Variants in GLI3 observed in about 807,000 individuals in gnomAD.
GLI3 encodes transcription activator GLI3.
In GLI3, 20 loss-of-function variants were observed where a neutral mutation model predicts 100.8. The ratio of observed to expected loss-of-function variants is 0.20; its 90% CI spans 0.14 to 0.29. The LOEUF is 0.29. Ranked by LOEUF, GLI3 falls within the 10% of genes least tolerant of loss-of-function variation. The pLI is 1.00. For synonymous variants in GLI3, 938 were observed against 860.5 expected (o/e 1.09, Z -1.58); for missense variants, 2,040 against 2,128.5 (o/e 0.96, Z 0.82).
At chr7:42,121,087 A>G (rs527910600) in intron 3 of GLI3, among the ~76,000 whole-genome samples, 2 of 152,336 alleles carry the variant, frequency 1.3e-5, no homozygotes, top group Admixed American at 1.3e-4. Flanking sequence ...ACAAAAGGTC[A>G]GAAGAAACCA....
chr7:42,160,876 A>C (rs1425868921), intron 2 of GLI3, among the ~76,000 whole-genome samples: 1 of 152,204 alleles, frequency 6.6e-6, no homozygotes, highest in Non-Finnish European at 1.5e-5. Flanking sequence ...TACAACCAGA[A>C]AAAAAGCTCC....
At chr7:42,113,390 A>G in intron 3 of GLI3, 1 of 695,734 alleles carries the variant, frequency 1.4e-6, no homozygotes, top group Non-Finnish European at 2.7e-6. Context: ...GCTGAGGGGG[A>G]TGCTGAAGGA....
intron 10 of GLI3, among the ~76,000 whole-genome samples, chr7:42,019,965 C>T (rs1788889729): frequency 6.6e-6 from 1 of 151,994 alleles, no homozygotes; most frequent in Admixed American, 6.6e-5. Context: ...TTAATACTAG[C>T]TTGAGAGTAA....
intron 2 of GLI3, among the ~76,000 whole-genome samples, chr7:42,216,443 C>T (rs1396314000): frequency 6.6e-6 from 1 of 152,134 alleles, no homozygotes; most frequent in African/African-American, 2.4e-5. Flanking sequence ...TTTGTCAAAA[C>T]CCATACAACT....
chr7:42,116,260 G>A (rs887195255), intron 3 of GLI3, among the ~76,000 whole-genome samples: 4 of 152,040 alleles, frequency 2.6e-5, no homozygotes, highest in African/African-American at 4.8e-5. Flanking sequence ...AAACCTCTGC[G>A]TTTTGAACAG....
Position 41,977,715 on chromosome 7 carries a change from C to G in GLI3, c.1655G>C (p.Gly552Ala), listed in dbSNP as rs144663011. Reference protein sequence around the residue: ...GEKPHKCTFEGCTKAYSRLEN... With the variant: ...GEKPHKCTFEACTKAYSRLEN... ...TAGTCTCGAGTAGGCCTTTGTGCAA[C>G]CTTCAAACTGAGGACAACAGGTAAA... Residue 552 changes from glycine to alanine, a missense_variant, in exon 12 of 15, where the codon GGT becomes GCT. Gly to Ala is a moderately conservative substitution (Grantham distance 60, BLOSUM62 0). This residue lies in a region of GLI3 where 61 missense variants were observed against 150.9 expected (regional missense o/e 0.40). Transcript: ENST00000395925. The G allele has an allele frequency of 1.5e-5, 25 of 1,613,806 alleles. No individual in the cohort carries two copies. The highest frequency in any genetic ancestry group is 2.1e-5 in the Non-Finnish European group (25 of 1,179,824).
At chr7:42,141,874 C>A (rs1171776886) in intron 3 of GLI3, among the ~76,000 whole-genome samples, 1 of 152,040 alleles carries the variant, frequency 6.6e-6, no homozygotes, top group Non-Finnish European at 1.5e-5. Context: ...AGGCTGTGAG[C>A]ATGGGTCACC....
At chr7:42,030,514 T>C (rs1259158739) in intron 7 of GLI3, among the ~76,000 whole-genome samples, 1 of 152,168 alleles carries the variant, frequency 6.6e-6, no homozygotes, top group Non-Finnish European at 1.5e-5. Flanking sequence ...AGCTAGTGTC[T>C]ACATCCATTT....
Position 42,092,646 on chromosome 7 carries a change from G to GCAC in GLI3, c.368-15792_368-15790dup, listed in dbSNP as rs533944885. ...CAAGCCCCGACTCTCAGTCCAGTGG[G>GCAC]CACCGCACTGCCCCGGCTTTTATCT... On this transcript the variant is annotated intron_variant, in intron 3 of 14. Transcript: ENST00000395925. Among the ~76,000 whole-genome samples the GCAC allele has an allele frequency of 5.9e-5, 9 of 152,238 alleles. No homozygotes were observed. The South Asian group carries it at 1.9e-3, about 32-fold the overall frequency.
Position 42,048,554 on chromosome 7 carries a change from A to G in GLI3, c.616T>C (p.Ser206Pro). ...YINPYMDYIR[S>P]LHSSPSLSMI... Reference sequence around the variant, plus strand: ...GAGAGCGATGGGCTGCTGTGCAAGGAGCGGATATAGTCCATGTAGGGATTA... The same window carrying G: ...GAGAGCGATGGGCTGCTGTGCAAGGGGCGGATATAGTCCATGTAGGGATTA... Residue 206 changes from serine (S) to proline (P), a missense_variant, in exon 5 of 15, where the codon TCC becomes CCC. Transcript: ENST00000395925. 6.2e-7 allele frequency: 1 copy of G among 1,613,220 alleles called. No homozygotes were observed. Among genetic ancestry groups the G allele is most frequent in the Non-Finnish European group, 8.5e-7 (1 of 1,179,760 alleles).
chr7:42,193,815 AG>A, intron 2 of GLI3, among the ~76,000 whole-genome samples: 1 of 152,210 alleles, frequency 6.6e-6, no homozygotes, highest in African/African-American at 2.4e-5. Context: ...CATACAGAAA[AG>A]TACTAAAAAG....
chr7:42,243,107 T>G (rs981712113), intron 1 of GLI3, among the ~76,000 whole-genome samples: 1 of 151,850 alleles, frequency 6.6e-6, no homozygotes, highest in African/African-American at 2.4e-5. Context: ...GCAAAGCCAG[T>G]CAAGACCAGG....
At chr7:42,145,161 AT>A (rs1786671262) in intron 3 of GLI3, among the ~76,000 whole-genome samples, 1 of 152,212 alleles carries the variant, frequency 6.6e-6, no homozygotes, top group African/African-American at 2.4e-5. Flanking sequence ...GAGCAGATAG[AT>A]TTTATTATAA....
intron 2 of GLI3, among the ~76,000 whole-genome samples, chr7:42,222,488 T>A (rs1417096241): frequency 6.6e-6 from 1 of 152,232 alleles, no homozygotes; most frequent in Non-Finnish European, 1.5e-5. Context: ...CTCTGGAATT[T>A]ATTTTCAACA....
At chr7:42,048,736 G>T in intron 4 of GLI3, 40 bp from the exon 5 acceptor site, 2 of 1,265,890 alleles carry the variant, frequency 1.6e-6, no homozygotes, top group Non-Finnish European at 2.3e-6. Context: ...GTATGCATGA[G>T]ACAAATATCT....
intron 10 of GLI3, among the ~76,000 whole-genome samples, chr7:42,008,476 A>G (rs931629919): frequency 1.3e-5 from 2 of 152,162 alleles, no homozygotes; most frequent in Non-Finnish European, 2.9e-5. Flanking sequence ...GGGTCTCCCT[A>G]TGTTGCACAG....
chr7:42,020,757 G>A (rs1788912647), intron 10 of GLI3, among the ~76,000 whole-genome samples: 1 of 152,084 alleles, frequency 6.6e-6, no homozygotes, highest in Admixed American at 6.6e-5. Context: ...GGGCGTGGTA[G>A]CGGGCGCCTG....
At chr7:42,177,378 A>G (rs1247123992) in intron 2 of GLI3, among the ~76,000 whole-genome samples, 1 of 152,198 alleles carries the variant, frequency 6.6e-6, no homozygotes, top group Non-Finnish European at 1.5e-5. Flanking sequence ...TTGGCCTTTT[A>G]GAAGCTAAGG....
chr7:42,148,481 GA>G lies in GLI3; in HGVS notation c.125-14del, dbSNP rs1157316705. ...GGACTTTCATCCTCTAAAGAAAGAA[GA>G]AAAATGAAAGACTCTGTAAACTACT... On this transcript the variant is annotated splice_polypyrimidine_tract_variant and intron_variant, in intron 2 of 14. Coordinates refer to ENST00000395925, the MANE Select transcript of GLI3 (RefSeq NM_000168.6). The G allele has an allele frequency of 6.2e-7, 1 of 1,611,730 alleles. No homozygotes were observed. The highest frequency in any genetic ancestry group is 1.3e-5 in the African/African-American group (1 of 74,870).
Sources: gnomAD v4.1 joint callset for allele counts (sites outside exome capture counted in the v4.1 genomes callset) on GRCh38, gnomAD v4.1.1 for gene constraint, gnomAD v4.1.1 regional missense constraint, MANE v1.5 for transcripts, NCBI Gene and HGNC (gene_info 2026-07-23, HGNC 2026-07-21) for gene names.